ARID1B: variants seen among roughly 807,000 people sequenced by gnomAD.
ARID1B encodes the protein AT-rich interaction domain 1B.
In ARID1B, 30 loss-of-function variants were observed where a neutral mutation model predicts 212.3. That is an observed-to-expected ratio of 0.14 (90% CI 0.11 to 0.19). The LOEUF (loss-of-function observed/expected upper bound fraction) is 0.19, where lower values mean the gene tolerates loss of function less well. ARID1B is among the 10% of genes least tolerant of loss of function. ARID1B has a pLI of 1.00. For missense variants in ARID1B, 2,891 were observed against 3,204.0 expected (o/e 0.90, Z 2.36); for synonymous variants, 1,402 against 1,301.7 (o/e 1.08, Z -1.66).
chr6:157,125,677 T>C (rs1237220039), intron 6 of ARID1B, among the ~76,000 whole-genome samples: 1 of 152,240 alleles, frequency 6.6e-6, no homozygotes, highest in South Asian at 2.1e-4. Context: ...GCACCTGTGC[T>C]GCTTTTATTC....
intron 2 of ARID1B, among the ~76,000 whole-genome samples, chr6:156,883,711 TCTTGA>T (rs944990515): frequency 1.3e-5 from 2 of 152,104 alleles, no homozygotes; most frequent in African/African-American, 4.8e-5. Context: ...TTGCTTTGAC[TCTTGA>T]CTTCTTCTGA....
In ARID1B at chr6:157,174,874, C is replaced by T; in HGVS notation, c.3373C>T (p.Gln1125Ter). 6.4e-7 allele frequency: 1 copy of T among 1,550,676 alleles called. No homozygotes were observed. The highest frequency in any genetic ancestry group is 8.7e-7 in the Non-Finnish European group (1 of 1,148,372). The stretch of plus-strand genomic sequence containing the variant: ...TAGCTACAGCTCTCAGGGTATTTCT[C>T]AGCCCCCAACCCCAGGCAACCTGCC... ...KDSYSSQGIS[Q>*]PPTPGNLPVP... Residue 1125 changes from glutamine (Q) to a stop codon, truncating the protein, a stop_gained, in exon 11 of 20, where the codon CAG becomes TAG. Transcript: ENST00000636930. LOFTEE classifies it high-confidence loss of function.
intron 4 of ARID1B, among the ~76,000 whole-genome samples, chr6:157,050,777 A>C (rs921636673): frequency 5.3e-5 from 8 of 152,210 alleles, no homozygotes; most frequent in Non-Finnish European, 1.0e-4. Context: ...CCTGATCAAC[A>C]GTGGAAAGGT....
intron 4 of ARID1B, among the ~76,000 whole-genome samples, chr6:157,015,038 G>A (rs1779836637): frequency 6.6e-6 from 1 of 152,176 alleles, no homozygotes; most frequent in Non-Finnish European, 1.5e-5. Context: ...TGGGAAAGAC[G>A]AGATGACATT....
At chr6:157,047,509 G>A (rs1159363161) in intron 4 of ARID1B, among the ~76,000 whole-genome samples, 3 of 152,186 alleles carry the variant, frequency 2.0e-5, no homozygotes, top group Non-Finnish European at 4.4e-5. Context: ...GATCTACCAA[G>A]TCCACTGTGC....
At chr6:157,192,552 G>C (rs1198466692) in intron 15 of ARID1B, among the ~76,000 whole-genome samples, 1 of 152,144 alleles carries the variant, frequency 6.6e-6, no homozygotes, top group Non-Finnish European at 1.5e-5. Flanking sequence ...CGATATTTTT[G>C]ATTGACAATG....
chr6:157,156,879 C>T (rs1321947984), intron 8 of ARID1B, among the ~76,000 whole-genome samples: 2 of 152,206 alleles, frequency 1.3e-5, no homozygotes, highest in Admixed American at 6.5e-5. Flanking sequence ...AGGGACATCA[C>T]GTGAGGAGCA....
chr6:157,074,544 A>G (rs1784194159), intron 4 of ARID1B, among the ~76,000 whole-genome samples: 1 of 152,206 alleles, frequency 6.6e-6, no homozygotes, highest in African/African-American at 2.4e-5. Context: ...ATTATTGATC[A>G]GAGTTTAAGT....
chr6:157,149,040 G>A (rs1790010649), intron 8 of ARID1B, 89 bp downstream of exon 8: 1 of 1,327,706 alleles, frequency 7.5e-7, no homozygotes, highest in African/African-American at 1.4e-5. Flanking sequence ...TTGTTCCCTG[G>A]GGTCACACAG....
chr6:156,917,663 G>A (rs986615300), intron 3 of ARID1B, among the ~76,000 whole-genome samples: 2 of 152,178 alleles, frequency 1.3e-5, no homozygotes, highest in Non-Finnish European at 2.9e-5. Context: ...TAACAGTCAA[G>A]GTCATTTAGA....
chr6:156,983,734 C>T (rs937984763), intron 4 of ARID1B, among the ~76,000 whole-genome samples: 2 of 152,140 alleles, frequency 1.3e-5, no homozygotes, highest in South Asian at 2.1e-4. Context: ...GAGCCCTACT[C>T]GTTTCTGGTT....
intron 3 of ARID1B, among the ~76,000 whole-genome samples, chr6:156,934,981 A>C (rs1371037024): frequency 7.9e-6 from 1 of 125,862 alleles, no homozygotes; most frequent in African/African-American, 3.0e-5. Context: ...TTCTGCTGTT[A>C]TTCACTGCTT....
chr6:156,904,397 C>T (rs1424032245), intron 3 of ARID1B, among the ~76,000 whole-genome samples: 1 of 152,134 alleles, frequency 6.6e-6, no homozygotes, highest in Non-Finnish European at 1.5e-5. Context: ...TTTTGATGGA[C>T]ATTTAGATTA....
At chr6:157,093,929 G>C (rs1324376527) in intron 5 of ARID1B, among the ~76,000 whole-genome samples, 2 of 152,222 alleles carry the variant, frequency 1.3e-5, no homozygotes, top group African/African-American at 4.8e-5. Context: ...TGGGGTAAAG[G>C]CGCTGAACAT....
intron 4 of ARID1B, among the ~76,000 whole-genome samples, chr6:157,012,371 G>T (rs1390360660): frequency 1.3e-5 from 2 of 152,258 alleles, no homozygotes; most frequent in African/African-American, 4.8e-5. Context: ...GAACATGGGA[G>T]TGGGCCGATA....
rs186409084 is a variant in ARID1B, at chr6:157,091,369, C to T, written c.2491+6464C>T. Reference sequence around the variant, plus strand: ...TAGAGCTCTTCTGTGTGAGTGCTCACCCAGTCCCACCCTTCAGCAAGTGAG... The same window carrying T: ...TAGAGCTCTTCTGTGTGAGTGCTCATCCAGTCCCACCCTTCAGCAAGTGAG... On this transcript the variant is annotated intron_variant, in intron 5 of 19. Transcript: ENST00000636930. Among the ~76,000 whole-genome samples, 7 of 152,292 alleles carry T rather than the reference C, an allele frequency of 4.6e-5. No individual in the cohort carries two copies. In the East Asian group the frequency reaches 1.4e-3, roughly 29 times the overall value.
intron 1 of ARID1B, among the ~76,000 whole-genome samples, chr6:156,820,652 A>G (rs1469992411): frequency 1.3e-5 from 2 of 152,212 alleles, no homozygotes; most frequent in Non-Finnish European, 2.9e-5. Flanking sequence ...AAGCTTACCT[A>G]GCTAATAAGC....
chr6:156,856,117 TGAGGTCTTA>T (rs1362207411), intron 2 of ARID1B, among the ~76,000 whole-genome samples: 1 of 152,172 alleles, frequency 6.6e-6, no homozygotes, highest in Non-Finnish European at 1.5e-5. Flanking sequence ...TCCTAGATAT[TGAGGTCTTA>T]GAGCAGTGCC....
At chr6:157,082,822 G>C (rs1784721916) in intron 4 of ARID1B, among the ~76,000 whole-genome samples, 1 of 152,210 alleles carries the variant, frequency 6.6e-6, no homozygotes, top group Non-Finnish European at 1.5e-5. Flanking sequence ...TGAAGATTTT[G>C]TGGAATGAAG....
Sources: gnomAD v4.1 joint callset for allele counts (sites outside exome capture counted in the v4.1 genomes callset) on GRCh38, gnomAD v4.1.1 for gene constraint, MANE v1.5 for transcripts, NCBI Gene and HGNC (gene_info 2026-07-23, HGNC 2026-07-21) for gene names.